The following STXBP5L variants were observed in gnomAD, a reference collection of about 807,000 sequenced individuals.
STXBP5L encodes the protein syntaxin binding protein 5L, also known as syntaxin-binding protein 5-like.
Under a neutral mutation model 144.5 loss-of-function variants are expected in STXBP5L, and 65 were observed. The observed-to-expected ratio is 0.45, with a 90% CI of 0.37 to 0.55. The LOEUF (loss-of-function observed/expected upper bound fraction) is 0.55. STXBP5L is among the 20% of genes least tolerant of loss of function. The pLI is 0.00. For synonymous variants in STXBP5L, 505 were observed against 469.6 expected (o/e 1.08, Z -0.97); for missense variants, 1,298 against 1,405.5 (o/e 0.92, Z 1.22).
intron 20 of STXBP5L, among the ~76,000 whole-genome samples, chr3:121,324,887 G>T (rs1047876002): frequency 6.6e-6 from 1 of 151,924 alleles, no homozygotes; most frequent in Non-Finnish European, 1.5e-5. Flanking sequence ...AAAGTAAGGG[G>T]GTCGCGGGTA....
At chr3:120,971,250 A>G (rs1225906864) in intron 3 of STXBP5L, among the ~76,000 whole-genome samples, 4 of 152,036 alleles carry the variant, frequency 2.6e-5, no homozygotes, top group African/African-American at 9.7e-5. Flanking sequence ...ATTTTTTTGT[A>G]AATTTTTCAA....
intron 5 of STXBP5L, among the ~76,000 whole-genome samples, chr3:121,064,447 G>C (rs2041445237): frequency 6.6e-6 from 1 of 152,180 alleles, no homozygotes; most frequent in East Asian, 1.9e-4. Context: ...TTGCATTTCT[G>C]TTTAACAAAT....
intron 9 of STXBP5L, among the ~76,000 whole-genome samples, chr3:121,159,263 A>T (rs942984441): frequency 6.6e-6 from 1 of 151,990 alleles, no homozygotes. Context: ...TCCTATTATA[A>T]TTCTCCTTTG....
intron 24 of STXBP5L, 65 bp from the exon 25 acceptor site, chr3:121,415,786 CAGTGTT>C: frequency 2.9e-6 from 3 of 1,033,702 alleles, no homozygotes; most frequent in Non-Finnish European, 4.4e-6. Flanking sequence ...TACTATATCA[CAGTGTT>C]ACCTTTTTGT....
chr3:121,187,476 T>G (rs1364032874), intron 9 of STXBP5L, among the ~76,000 whole-genome samples: 2 of 151,040 alleles, frequency 1.3e-5, no homozygotes, highest in Non-Finnish European at 2.9e-5. Flanking sequence ...AGTTAATGGG[T>G]GCAGCATACC....
intron 1 of STXBP5L, chr3:120,909,279 C>T: frequency 3.3e-6 from 1 of 301,218 alleles, no homozygotes; most frequent in South Asian, 3.9e-5. Flanking sequence ...TACCCCAGTG[C>T]TGATAAAGCG....
intron 5 of STXBP5L, among the ~76,000 whole-genome samples, chr3:121,070,180 T>C (rs1226918872): frequency 6.6e-6 from 1 of 152,252 alleles, no homozygotes; most frequent in Non-Finnish European, 1.5e-5. Flanking sequence ...TTTCCTACTT[T>C]TAAACTTCTT....
At chr3:121,073,124 C>T (rs1191227958) in intron 5 of STXBP5L, among the ~76,000 whole-genome samples, 3 of 152,198 alleles carry the variant, frequency 2.0e-5, no homozygotes. Context: ...ACATCTGGGT[C>T]TCTTAAGGGC....
At chr3:121,198,939 T>C (rs570172169) in intron 9 of STXBP5L, among the ~76,000 whole-genome samples, 1 of 152,302 alleles carries the variant, frequency 6.6e-6, no homozygotes, top group East Asian at 1.9e-4. Flanking sequence ...GCTTTGTTCT[T>C]TTTGCTTAGG....
rs187213920 is a variant in STXBP5L at position 121,060,711 on chromosome 3, G to A, written c.470+15176G>A. Among the ~76,000 whole-genome samples, 551 of 152,306 alleles carry A rather than the reference G, an allele frequency of 3.6e-3. 1 individual carries two copies. Among genetic ancestry groups the A allele is most frequent in the Admixed American group, 7.7e-3 (118 of 15,290 alleles). On this transcript the variant is annotated intron_variant, in intron 5 of 26. Coordinates refer to ENST00000471454, the MANE Select transcript of STXBP5L (RefSeq NM_001308330.2). ...CTAGTTTAGACTTGGGAGGTTATAT[G>A]TGTTCAGGAATTTATCCATTTCTTC...
intron 3 of STXBP5L, among the ~76,000 whole-genome samples, chr3:120,973,309 GT>G (rs886146789): frequency 4.6e-5 from 7 of 151,920 alleles, no homozygotes; most frequent in African/African-American, 1.7e-4. Flanking sequence ...GCAGTTATAT[GT>G]TTTCAAGAGT....
At chr3:121,368,733 C>G (rs1197997276) in intron 20 of STXBP5L, among the ~76,000 whole-genome samples, 1 of 152,126 alleles carries the variant, frequency 6.6e-6, no homozygotes, top group Non-Finnish European at 1.5e-5. Flanking sequence ...TTAAGGTCTT[C>G]TTAAGCCTTT....
chr3:121,110,593 T>C (rs1576985641), intron 5 of STXBP5L, among the ~76,000 whole-genome samples: 1 of 152,166 alleles, frequency 6.6e-6, no homozygotes, highest in Non-Finnish European at 1.5e-5. Flanking sequence ...TGCTGAGAGG[T>C]CTGCTGTTAG....
At chr3:121,203,235 T>C (rs1191191970) in intron 9 of STXBP5L, among the ~76,000 whole-genome samples, 2 of 152,184 alleles carry the variant, frequency 1.3e-5, no homozygotes, top group Non-Finnish European at 2.9e-5. Flanking sequence ...CTCCATTGTC[T>C]ATACTGAAAA....
At chr3:120,972,399 G>T (rs1258040004) in intron 3 of STXBP5L, among the ~76,000 whole-genome samples, 2 of 152,006 alleles carry the variant, frequency 1.3e-5, no homozygotes, top group Non-Finnish European at 2.9e-5. Flanking sequence ...AAATGGTTTT[G>T]ATTTTTATAC....
chr3:121,168,856 C>T (rs1448694940), intron 9 of STXBP5L, among the ~76,000 whole-genome samples: 1 of 152,054 alleles, frequency 6.6e-6, no homozygotes, highest in Non-Finnish European at 1.5e-5. Flanking sequence ...CAAAGATACT[C>T]CTCGAGAAGA....
chr3:121,323,683 T>C (rs2331710), intron 20 of STXBP5L, among the ~76,000 whole-genome samples: 74,301 of 151,984 alleles, frequency 0.49, 18,624 homozygotes, highest in East Asian at 0.73. Context: ...ATAAACATAC[T>C]TCAAATGCAG....
intron 5 of STXBP5L, among the ~76,000 whole-genome samples, chr3:121,085,311 T>A (rs2042436562): frequency 6.6e-6 from 1 of 152,168 alleles, no homozygotes; most frequent in African/African-American, 2.4e-5. Context: ...TCCTGAGTGG[T>A]ATTGCCTGGA....
chr3:121,205,809 A>T, intron 9 of STXBP5L, 114 bp from the exon 10 acceptor site: 1 of 503,122 alleles, frequency 2.0e-6, no homozygotes. Context: ...ATTATGACAA[A>T]CATAGAATTA....
Sources: allele counts gnomAD v4.1 joint callset (sites outside exome capture counted in the v4.1 genomes callset), GRCh38; gene constraint gnomAD v4.1.1; transcripts MANE v1.5; gene names NCBI Gene and HGNC (gene_info 2026-07-23, HGNC 2026-07-21).